Variants in TP53BP1 observed in about 807,000 individuals in gnomAD.
TP53BP1 encodes tumor protein p53 binding protein 1.
In TP53BP1, 61 loss-of-function variants were observed where a neutral mutation model predicts 200.8. The observed-to-expected ratio is 0.30, with a 90% CI of 0.25 to 0.38. The LOEUF (loss-of-function observed/expected upper bound fraction) is 0.38, where lower values mean the gene tolerates loss of function less well. Among genes scored for constraint, TP53BP1 ranks in the 10% least tolerant of loss-of-function variants. TP53BP1 has a pLI of 1.00. For synonymous variants in TP53BP1, 822 were observed against 844.3 expected, an observed-to-expected ratio of 0.97 and a Z score of 0.46; for missense variants, 2,144 against 2,371.9, an observed-to-expected ratio of 0.90 and a Z score of 2.00.
chr15:43,456,534 C>T lies in TP53BP1; in HGVS notation c.2074G>A (p.Val692Ile). 6.2e-7 allele frequency: 1 copy of T among 1,609,176 alleles called. No homozygotes were observed. Among genetic ancestry groups the T allele is most frequent in the Non-Finnish European group, 8.5e-7 (1 of 1,177,732 alleles). The change falls in exon 12 of 28, where the codon GTT becomes ATT. Residue 692 changes from valine (V) to isoleucine (I), a missense_variant. Val to Ile is a conservative substitution (Grantham distance 29). Coordinates refer to ENST00000382044, the MANE Select transcript of TP53BP1 (RefSeq NM_001141980.3). ...TCAGTCAGAGAAAGGTGCAACGGAA[C>T]ACTCTCCATATTTTCTTCTTTGAGT... ...EELKEENMES[V>I]PLHLSLTETQ...
Position 43,408,925 on chromosome 15 carries a change from T to C in TP53BP1, c.5572A>G (p.Ser1858Gly). 1.2e-6 allele frequency: 2 copies of C among 1,614,210 alleles called. No homozygotes were observed. The highest frequency in any genetic ancestry group is 1.7e-6 in the Non-Finnish European group (2 of 1,180,032). ...YRNYLLPAGY[S>G]LEEQRILDWQ... ...TCCAGAATTCTTTGCTCCTCAAGGC[T>C]GTACCCAGCTGGCAACAGATAATTA... The change falls in exon 26 of 28, where the codon AGC becomes GGC. Residue 1858 changes from serine to glycine, a missense_variant. Ser to Gly is a moderately conservative substitution (Grantham distance 56, BLOSUM62 0). Coordinates refer to ENST00000382044, the MANE Select transcript of TP53BP1 (RefSeq NM_001141980.3).
upstream of TP53BP1, chr15:43,493,275 A>C (rs925515595): frequency 5.8e-6 from 8 of 1,381,620 alleles, no homozygotes; most frequent in South Asian, 4.5e-5. Flanking sequence ...ACGTAAGAAA[A>C]AGGAACACGG....
chr15:43,416,511 AT>A, intron 21 of TP53BP1, 95 bp from the exon 22 acceptor site: 1 of 1,215,040 alleles, frequency 8.2e-7, no homozygotes, highest in Non-Finnish European at 1.2e-6. Flanking sequence ...GAGTTAGGGA[AT>A]TTAGAGATCC....
chr15:43,422,812 A>G (rs1227428857), intron 18 of TP53BP1, among the ~76,000 whole-genome samples: 1 of 151,910 alleles, frequency 6.6e-6, no homozygotes, highest in Non-Finnish European at 1.5e-5. Context: ...TAGGCAACAT[A>G]GTGAGAACAG....
chr15:43,492,407 A>G lies in TP53BP1; in HGVS notation c.69T>C (p.Pro23=). Residue 23 remains proline (P), a synonymous_variant, in exon 2 of 28, where the codon CCT becomes CCC. Coordinates refer to ENST00000382044, the MANE Select transcript of TP53BP1 (RefSeq NM_001141980.3). ...GCTGAGAATCTTCAATTATCAGGCA[A>G]GGAGTATCTTGCTGAGAGAAATCTG... ...LDSDFSQQDT[P]CLIIEDSQPE... 1 of 1,614,114 alleles carries G rather than the reference A, an allele frequency of 6.2e-7. No homozygotes were observed.
Position 43,428,090 on chromosome 15 carries a change from G to A in TP53BP1, c.3754C>T (p.Arg1252Cys), listed in dbSNP as rs1450516978. ...GTAATGACACGAGTGACAAGTGTGCGTACTTCCCGGATTGTTCTCATGTGA... is the reference window on the plus strand; with the variant it reads ...GTAATGACACGAGTGACAAGTGTGCATACTTCCCGGATTGTTCTCATGTGA... ...HRHMRTIREV[R>C]TLVTRVITDV... The change falls in exon 18 of 28, where the codon CGC becomes TGC. Residue 1252 changes from arginine to cysteine, a missense_variant. Transcript: ENST00000382044. 4.3e-6 allele frequency: 7 copies of A among 1,612,628 alleles called. No homozygotes were observed. Among genetic ancestry groups the A allele is most frequent in the African/African-American group, 2.7e-5 (2 of 74,846 alleles).
chr15:43,429,075 T>TA (rs762628379), intron 17 of TP53BP1, among the ~76,000 whole-genome samples: 12 of 152,222 alleles, frequency 7.9e-5, no homozygotes, highest in Non-Finnish European at 1.2e-4. Context: ...TTCAAAAGAA[T>TA]AACTGAGTTA....
At chr15:43,445,231 G>A (rs1269435347) in intron 14 of TP53BP1, among the ~76,000 whole-genome samples, 1 of 152,026 alleles carries the variant, frequency 6.6e-6, no homozygotes, top group Non-Finnish European at 1.5e-5. Context: ...CACCCCAACT[G>A]CTGCACTGAA....
In TP53BP1 at chr15:43,403,914, A is replaced by G; in HGVS notation, c.*3469T>C. 1 of 725,812 alleles carries G rather than the reference A, an allele frequency of 1.4e-6. No homozygotes were observed. Among genetic ancestry groups the G allele is most frequent in the Non-Finnish European group, 2.4e-6 (1 of 414,992 alleles). 45.0% of individuals were successfully genotyped at this position (725,812 alleles called of 1,614,324 possible). ...AAGCATTTCCTCAATACACACACGTACAGAGATAAGATACAAAGATAAAAA... is the reference window on the plus strand; with the variant it reads ...AAGCATTTCCTCAATACACACACGTGCAGAGATAAGATACAAAGATAAAAA... On this transcript the variant is annotated 3_prime_UTR_variant, in exon 28 of 28. Coordinates refer to ENST00000382044, the MANE Select transcript of TP53BP1 (RefSeq NM_001141980.3).
intron 12 of TP53BP1, among the ~76,000 whole-genome samples, chr15:43,455,517 C>G (rs531317349): frequency 2.0e-5 from 3 of 152,006 alleles, no homozygotes; most frequent in African/African-American, 7.2e-5. Context: ...GTCAGGAGTT[C>G]GAGACTAGCC....
chr15:43,426,402 T>C (rs2045532114), intron 18 of TP53BP1, among the ~76,000 whole-genome samples: 1 of 129,410 alleles, frequency 7.7e-6, no homozygotes, highest in Admixed American at 8.9e-5. Context: ...ATCAGGCCAC[T>C]GCACTCCAAC....
chr15:43,479,742 T>TA, intron 6 of TP53BP1, 117 bp downstream of exon 6: 1 of 1,334,798 alleles, frequency 7.5e-7, no homozygotes, highest in Non-Finnish European at 1.0e-6. Context: ...TCAACCTTAC[T>TA]AAATTACTTA....
At position 43,404,027 on chromosome 15, in the gene TP53BP1, C is replaced by T; in HGVS notation, c.*3356G>A. The T allele has an allele frequency of 1.8e-6, 1 of 556,340 alleles. No homozygotes were observed. The highest frequency in any genetic ancestry group is 3.2e-6 in the Non-Finnish European group (1 of 312,702). The allele number at this position is 556,340 out of a possible 1,614,324, so 34.5% of individuals were successfully genotyped here. ...TTCAGTCCTGAATAGTTTATTCAGCCCATCAAATAAGCATTGGGTTGTTCT... is the reference window on the plus strand; with the variant it reads ...TTCAGTCCTGAATAGTTTATTCAGCTCATCAAATAAGCATTGGGTTGTTCT... On this transcript the variant is annotated 3_prime_UTR_variant, in exon 28 of 28. Coordinates refer to ENST00000382044, the MANE Select transcript of TP53BP1 (RefSeq NM_001141980.3).
upstream of TP53BP1, among the ~76,000 whole-genome samples, chr15:43,496,735 T>G (rs1485150767): frequency 6.6e-6 from 1 of 151,784 alleles, no homozygotes; most frequent in Non-Finnish European, 1.5e-5. Flanking sequence ...CTGATTCTCC[T>G]GCCTCAGCCT....
intron 21 of TP53BP1, among the ~76,000 whole-genome samples, chr15:43,418,155 G>T (rs2045309812): frequency 6.8e-6 from 1 of 146,148 alleles, no homozygotes; most frequent in East Asian, 2.0e-4. Flanking sequence ...ACTCCAGCCT[G>T]GGCGACAGAG....
rs1333471277 is a variant in TP53BP1 at position 43,420,730 on chromosome 15, G to T, written c.4256C>A (p.Thr1419Lys). ...TATGCCCAAGGGGCCAGGCACAGCTGTTTCTCTAAAGAGAGATAGGGGATA... is the reference window on the plus strand; with the variant it reads ...TATGCCCAAGGGGCCAGGCACAGCTTTTTCTCTAAAGAGAGATAGGGGATA... Reference protein sequence around the residue: ...PPSRTTGTRETAVPGPLGIED... With the variant: ...PPSRTTGTREKAVPGPLGIED... Residue 1419 changes from threonine to lysine, a missense_variant, in exon 21 of 28, where the codon ACA becomes AAA. Thr to Lys is a moderately conservative substitution (Grantham distance 78). This residue lies in a region of TP53BP1 where 1,700 missense variants were observed against 1,710.3 expected (regional missense o/e 0.99). Coordinates refer to ENST00000382044, the MANE Select transcript of TP53BP1 (RefSeq NM_001141980.3). The T allele has an allele frequency of 1.9e-6, 3 of 1,612,416 alleles. No individual in the cohort carries two copies. The highest frequency in any genetic ancestry group is 2.5e-6 in the Non-Finnish European group (3 of 1,179,108).
intron 14 of TP53BP1, among the ~76,000 whole-genome samples, chr15:43,444,119 T>G (rs1039892778): frequency 6.6e-6 from 1 of 152,182 alleles, no homozygotes; most frequent in Non-Finnish European, 1.5e-5. Context: ...TAAGTAACAC[T>G]GAATACAGTC....
Position 43,475,729 on chromosome 15 carries a change from T to C in TP53BP1, c.956-35A>G, listed in dbSNP as rs777540001. ...AGAAATTCCAGTTGCACTTCTCAGA[T>C]TGACACTACTGAGCTGCCAAAAACC... is the stretch of plus-strand genomic sequence containing the variant. On this transcript the variant is annotated intron_variant, in intron 8 of 27. Coordinates refer to ENST00000382044, the MANE Select transcript of TP53BP1 (RefSeq NM_001141980.3). 15 of 1,612,204 alleles carry C rather than the reference T, an allele frequency of 9.3e-6. No individual in the cohort carries two copies. In the East Asian group the frequency reaches 2.2e-4, roughly 24 times the overall value.
chr15:43,498,823 T>C (rs1335658377), intron 1 of TP53BP1, among the ~76,000 whole-genome samples: 1 of 152,104 alleles, frequency 6.6e-6, no homozygotes, highest in African/African-American at 2.4e-5. Flanking sequence ...AAGAGAATGG[T>C]ACCAAATTAT....
Sources: gnomAD v4.1 joint callset for allele counts (sites outside exome capture counted in the v4.1 genomes callset) on GRCh38, gnomAD v4.1.1 for gene constraint, gnomAD v4.1.1 regional missense constraint, MANE v1.5 for transcripts, NCBI Gene and HGNC (gene_info 2026-07-23, HGNC 2026-07-21) for gene names.